The following FABP7 variants were observed in gnomAD, a reference collection of about 807,000 sequenced individuals.
FABP7 encodes fatty acid binding protein 7.
A neutral mutation model predicts 14.2 loss-of-function variants in FABP7; 13 were observed. The ratio of observed to expected loss-of-function variants is 0.91; its 90% CI spans 0.59 to 1.45. The LOEUF is 1.45. FABP7 is among the 40% of genes most tolerant of loss of function. FABP7 has a pLI of 0.00. For missense variants in FABP7, 149 were observed against 157.6 expected (o/e 0.95, Z 0.29); for synonymous variants, 49 against 51.4 (o/e 0.95, Z 0.20).
At chr6:122,754,189 G>T in the FABP7 span, among the ~76,000 whole-genome samples, 90,896 of 151,962 alleles carry the variant, frequency 0.6, 27,355 homozygotes, top group South Asian at 0.79. Flanking sequence ...TTTAAACTTA[G>T]TTTTAAATAG....
chr6:122,778,587 C>A (rs1488736633), upstream of FABP7, among the ~76,000 whole-genome samples: 1 of 152,194 alleles, frequency 6.6e-6, no homozygotes, highest in Admixed American at 6.5e-5. Flanking sequence ...AAGCTGCTTT[C>A]ATTGCTGGTC....
the FABP7 span, among the ~76,000 whole-genome samples, chr6:122,757,103 T>C: frequency 2.0e-5 from 3 of 152,246 alleles, no homozygotes; most frequent in African/African-American, 7.2e-5. Context: ...AGTGTATATC[T>C]TAACCATAAA....
chr6:122,770,650 C>T, the FABP7 span, among the ~76,000 whole-genome samples: 1 of 152,138 alleles, frequency 6.6e-6, no homozygotes. Flanking sequence ...TACCCCCAGA[C>T]TGCCTATGTC....
the FABP7 span, among the ~76,000 whole-genome samples, chr6:122,761,725 C>A: frequency 6.6e-6 from 1 of 151,918 alleles, no homozygotes; most frequent in Non-Finnish European, 1.5e-5. Flanking sequence ...AATATGTTAC[C>A]CAAAGAAGTA....
intron 1 of FABP7, 103 bp from the exon 2 acceptor site, chr6:122,780,188 C>A: frequency 1.6e-6 from 2 of 1,230,380 alleles, no homozygotes; most frequent in Non-Finnish European, 2.3e-6. Context: ...TCTAATGAAA[C>A]TTACACTTTA....
chr6:122,752,342 C>T, the FABP7 span, among the ~76,000 whole-genome samples: 1 of 152,146 alleles, frequency 6.6e-6, no homozygotes, highest in Non-Finnish European at 1.5e-5. Context: ...TAGTAAGTCC[C>T]TCAATCATGC....
the FABP7 span, among the ~76,000 whole-genome samples, chr6:122,772,306 C>A: frequency 1.7e-4 from 26 of 151,956 alleles, no homozygotes; most frequent in Non-Finnish European, 2.8e-4. Flanking sequence ...GATCTAGAAG[C>A]AGGCTAAGAA....
At chr6:122,753,653 A>G in the FABP7 span, among the ~76,000 whole-genome samples, 1 of 152,080 alleles carries the variant, frequency 6.6e-6, no homozygotes, top group Non-Finnish European at 1.5e-5. Context: ...GCCCAGCAAA[A>G]CGAAGGAATG....
At chr6:122,759,892 G>A in the FABP7 span, among the ~76,000 whole-genome samples, 2 of 151,958 alleles carry the variant, frequency 1.3e-5, no homozygotes, top group African/African-American at 2.4e-5. Context: ...GAGGCCAGGG[G>A]GTCAGATCAC....
chr6:122,754,074 A>G, the FABP7 span, among the ~76,000 whole-genome samples: 1 of 152,106 alleles, frequency 6.6e-6, no homozygotes, highest in African/African-American at 2.4e-5. Context: ...GTCAGCATGA[A>G]ACAGCCTTAG....
At chr6:122,782,813 G>A in intron 3 of FABP7, 1 of 955,364 alleles carries the variant, frequency 1.0e-6, no homozygotes, top group Non-Finnish European at 1.2e-6. Context: ...GGGGAGCAGA[G>A]GGACAGTTTT....
At chr6:122,755,454 T>C in the FABP7 span, among the ~76,000 whole-genome samples, 2 of 131,896 alleles carry the variant, frequency 1.5e-5, no homozygotes, top group Non-Finnish European at 3.4e-5. Flanking sequence ...CCCAATATGT[T>C]TTGTATTTTT....
At chr6:122,780,071 A>G (rs1284923585) in intron 1 of FABP7, among the ~76,000 whole-genome samples, 1 of 152,136 alleles carries the variant, frequency 6.6e-6, no homozygotes, top group Non-Finnish European at 1.5e-5. Flanking sequence ...AAAACAGAAC[A>G]TTTGCTATTC....
At chr6:122,764,884 C>T in the FABP7 span, among the ~76,000 whole-genome samples, 1 of 152,156 alleles carries the variant, frequency 6.6e-6, no homozygotes, top group Admixed American at 6.6e-5. Flanking sequence ...ACAGCAGACT[C>T]AAGCAACTAG....
At chr6:122,768,272 T>C in the FABP7 span, among the ~76,000 whole-genome samples, 69 of 152,156 alleles carry the variant, frequency 4.5e-4, no homozygotes, top group Non-Finnish European at 5.6e-4. Flanking sequence ...GAGTCCACTT[T>C]AGAAAACAAT....
At chr6:122,754,704 A>G in the FABP7 span, among the ~76,000 whole-genome samples, 1 of 146,278 alleles carries the variant, frequency 6.8e-6, no homozygotes, top group Non-Finnish European at 1.5e-5. Flanking sequence ...TTTGAAGTAC[A>G]TGTGCTAAGA....
At chr6:122,760,456 A>T in the FABP7 span, among the ~76,000 whole-genome samples, 18 of 151,712 alleles carry the variant, frequency 1.2e-4, no homozygotes, top group African/African-American at 4.1e-4. Flanking sequence ...TGTAGACAGC[A>T]TAATTTGGGG....
At chr6:122,755,348 A>G in the FABP7 span, among the ~76,000 whole-genome samples, 1 of 151,840 alleles carries the variant, frequency 6.6e-6, no homozygotes, top group Non-Finnish European at 1.5e-5. Flanking sequence ...TCATTATAAT[A>G]TAGTATGAAC....
At chr6:122,752,471 G>A in the FABP7 span, among the ~76,000 whole-genome samples, 2 of 152,098 alleles carry the variant, frequency 1.3e-5, no homozygotes, top group Non-Finnish European at 1.5e-5. Flanking sequence ...TTATATATAG[G>A]GGATTTCTTT....
Sources: gnomAD v4.1 joint callset for allele counts (sites outside exome capture counted in the v4.1 genomes callset) on GRCh38, gnomAD v4.1.1 for gene constraint, MANE v1.5 for transcripts, NCBI Gene and HGNC (gene_info 2026-07-23, HGNC 2026-07-21) for gene names.